The following BIRC6 variants were observed in gnomAD, a reference collection of about 807,000 sequenced individuals.
BIRC6 encodes the protein baculoviral IAP repeat containing 6.
In BIRC6, 98 loss-of-function variants were observed where a neutral mutation model predicts 503.3. That is an observed-to-expected ratio of 0.19 (90% CI 0.17 to 0.23). BIRC6 has a LOEUF of 0.23. Among genes scored for constraint, BIRC6 ranks in the 10% least tolerant of loss-of-function variants. BIRC6 has a pLI of 1.00. For missense variants in BIRC6, 5,360 were observed against 5,806.0 expected, an observed-to-expected ratio of 0.92 and a Z score of 2.50; for synonymous variants, 2,240 against 2,078.7, an observed-to-expected ratio of 1.08 and a Z score of -2.11.
chr2:32,430,974 A>C lies in BIRC6; in HGVS notation c.3132A>C (p.Pro1044=). The change falls in exon 12 of 74, where the codon CCA becomes CCC. Residue 1044 remains proline (P), a synonymous_variant. Coordinates refer to ENST00000421745, the MANE Select transcript of BIRC6 (RefSeq NM_016252.4). ...CAAGGTTTTCAGCGACTGTTCCTCC[A>C]TGCTGGGTAGAAGTTCAACAAGAAC... The part of the protein sequence containing the change: ...LTPRFSATVP[P]CWVEVQQEQQ... 3 of 1,613,354 alleles carry C rather than the reference A, an allele frequency of 1.9e-6. No individual in the cohort carries two copies. The highest frequency in any genetic ancestry group is 2.5e-6 in the Non-Finnish European group (3 of 1,179,746).
chr2:32,555,456 C>T lies in BIRC6; in HGVS notation c.13144+5975C>T, dbSNP rs892013418. Among the ~76,000 whole-genome samples, 7 of 151,446 alleles carry T rather than the reference C, an allele frequency of 4.6e-5. No individual in the cohort carries two copies. The East Asian group carries it at 9.7e-4, about 21-fold the overall frequency. ...GACATCGAGCCCAGCCTGACCAACA[C>T]GGTGAAACCCCGTCTCTACTAAAAA... On this transcript the variant is annotated intron_variant, in intron 65 of 73. Coordinates refer to ENST00000421745, the MANE Select transcript of BIRC6 (RefSeq NM_016252.4).
At chr2:32,617,597 A>C in intron 73 of BIRC6, 128 bp from the exon 74 acceptor site, 1 of 968,982 alleles carries the variant, frequency 1.0e-6, no homozygotes, top group Non-Finnish European at 1.5e-6. Flanking sequence ...AGTAGCTTGC[A>C]TAAGGAGGGG....
At chr2:32,360,065 G>T (rs2033805572) in intron 1 of BIRC6, among the ~76,000 whole-genome samples, 1 of 152,142 alleles carries the variant, frequency 6.6e-6, no homozygotes, top group South Asian at 2.1e-4. Flanking sequence ...AGCGATCATG[G>T]TCCTAACATA....
chr2:32,371,541 A>C (rs2035952343), intron 1 of BIRC6, among the ~76,000 whole-genome samples: 1 of 151,354 alleles, frequency 6.6e-6, no homozygotes, highest in Non-Finnish European at 1.5e-5. Flanking sequence ...TGCCCGGCTA[A>C]TTTTTTGTAT....
rs1390413549 is a variant in BIRC6, at chr2:32,442,153, A to G, written c.4033A>G (p.Thr1345Ala). The change falls in exon 18 of 74, where the codon ACA (threonine) becomes GCA (alanine). Residue 1345 changes from threonine (T) to alanine (A), a missense_variant. By Grantham distance (58) the Thr-to-Ala change is moderately conservative. Transcript: ENST00000421745. The part of the protein sequence containing the change: ...LCRKTDDGQI[T>A]EHAQSLVLDT... ...CAGAAAAACAGATGATGGCCAGATC[A>G]CAGAACATGCCCAGAGCCTTGTGTT... The G allele has an allele frequency of 1.2e-6, 2 of 1,611,474 alleles. No individual in the cohort carries two copies. The highest frequency in any genetic ancestry group is 1.7e-6 in the Non-Finnish European group (2 of 1,179,222).
intron 10 of BIRC6, among the ~76,000 whole-genome samples, chr2:32,421,397 G>A (rs973449659): frequency 1.3e-5 from 2 of 152,100 alleles, no homozygotes; most frequent in Admixed American, 6.6e-5. Context: ...GAGCCACCGC[G>A]CTGGCCTTCT....
At position 32,499,537 on chromosome 2, in the gene BIRC6, C is replaced by G; in HGVS notation, c.8469-10C>G. Reference sequence around the variant, plus strand: ...TCTCTTTTTCTGTCTCTCTCTCTCTCTCTCTGCAGGGGTGCTTTCCAGACA... The same window carrying G: ...TCTCTTTTTCTGTCTCTCTCTCTCTGTCTCTGCAGGGGTGCTTTCCAGACA... On this transcript the variant is annotated splice_polypyrimidine_tract_variant and intron_variant, in intron 45 of 73. Transcript: ENST00000421745. The G allele has an allele frequency of 1.3e-6, 2 of 1,569,244 alleles. No individual in the cohort carries two copies. The highest frequency in any genetic ancestry group is 1.4e-5 in the African/African-American group (1 of 73,352).
intron 15 of BIRC6, 114 bp from the exon 16 acceptor site, chr2:32,439,394 C>T: frequency 9.7e-7 from 1 of 1,028,272 alleles, no homozygotes; most frequent in Non-Finnish European, 1.4e-6. Context: ...TTTGAAAGTT[C>T]TGGCCTACTG....
rs376677624 is a variant in BIRC6, at chr2:32,392,008, C to T, written c.840-31C>T. On this transcript the variant is annotated intron_variant, in intron 4 of 73. Coordinates refer to ENST00000421745, the MANE Select transcript of BIRC6 (RefSeq NM_016252.4). ...AGTTTCACTGTGATTTGATGCCTAACTTCAATTACATAAAGTATGTTTACT... is the reference window on the plus strand; with the variant it reads ...AGTTTCACTGTGATTTGATGCCTAATTTCAATTACATAAAGTATGTTTACT... 71 of 1,396,042 alleles carry T rather than the reference C, an allele frequency of 5.1e-5. 1 individual carries two copies. The highest frequency in any genetic ancestry group is 3.5e-4 in the South Asian group (26 of 74,628). The allele number at this position is 1,396,042 out of a possible 1,614,324, so 86.5% of individuals were successfully genotyped here.
chr2:32,510,125 T>C (rs1420776315), intron 52 of BIRC6, 131 bp downstream of exon 52: 1 of 1,100,304 alleles, frequency 9.1e-7, no homozygotes, highest in Admixed American at 2.7e-5. Flanking sequence ...CTCTCCTCTC[T>C]TCTCTGATGG....
intron 1 of BIRC6, among the ~76,000 whole-genome samples, chr2:32,364,572 T>A (rs554552191): frequency 5.9e-5 from 9 of 152,240 alleles, no homozygotes; most frequent in African/African-American, 2.2e-4. Flanking sequence ...ACACTCCAGT[T>A]TTACATTTCT....
At chr2:32,383,860 C>T (rs574647883) in intron 3 of BIRC6, among the ~76,000 whole-genome samples, 7 of 152,298 alleles carry the variant, frequency 4.6e-5, no homozygotes, top group Admixed American at 3.9e-4. Flanking sequence ...GTAATTGTTA[C>T]TTCATCTTTA....
chr2:32,514,697 C>G (rs2054828228), intron 54 of BIRC6, among the ~76,000 whole-genome samples: 1 of 151,836 alleles, frequency 6.6e-6, no homozygotes, highest in South Asian at 2.1e-4. Context: ...CTCTACATGA[C>G]CTTTTCAGGT....
intron 61 of BIRC6, among the ~76,000 whole-genome samples, chr2:32,536,764 A>G (rs1156641329): frequency 1.2e-4 from 18 of 152,014 alleles, no homozygotes; most frequent in South Asian, 1.0e-3. Context: ...TGTTCTTTTG[A>G]CTTAGGATTG....
chr2:32,367,636 T>A (rs983362692), intron 1 of BIRC6, among the ~76,000 whole-genome samples: 1 of 151,768 alleles, frequency 6.6e-6, no homozygotes, highest in Non-Finnish European at 1.5e-5. Context: ...GCCAACTTGG[T>A]GAAACCCCGT....
chr2:32,525,697 C>G, intron 59 of BIRC6, 69 bp downstream of exon 59: 1 of 1,461,134 alleles, frequency 6.8e-7, no homozygotes, highest in Non-Finnish European at 9.2e-7. Flanking sequence ...ATCAGAGGCA[C>G]AGTCACCAAA....
At chr2:32,489,074 G>A (rs1318326458) in intron 42 of BIRC6, among the ~76,000 whole-genome samples, 1 of 151,900 alleles carries the variant, frequency 6.6e-6, no homozygotes, top group East Asian at 1.9e-4. Flanking sequence ...GCCCCTGGAG[G>A]AGTTAGTCAG....
At chr2:32,488,236 G>A (rs1179757299) in intron 41 of BIRC6, among the ~76,000 whole-genome samples, 2 of 151,936 alleles carry the variant, frequency 1.3e-5, no homozygotes, top group African/African-American at 2.4e-5. Context: ...CCAGCTACTC[G>A]GGAGGCTGAG....
In BIRC6 at chr2:32,415,764, T is replaced by C; in HGVS notation, c.2473T>C (p.Leu825=). ...GCAGAGGAATGTTAGTGGTGGATAT[T>C]TAGTGCTTTATAAAATGAATTATGC... ...PEQRNVSGGY[L]VLYKMNYATR... The change falls in exon 10 of 74, where the codon TTA becomes CTA. Residue 825 remains leucine (L), a synonymous_variant. Transcript: ENST00000421745. The C allele has an allele frequency of 6.2e-7, 1 of 1,613,742 alleles. No homozygotes were observed. The highest frequency in any genetic ancestry group is 8.5e-7 in the Non-Finnish European group (1 of 1,179,818).
Sources: allele counts gnomAD v4.1 joint callset (sites outside exome capture counted in the v4.1 genomes callset), GRCh38; gene constraint gnomAD v4.1.1; transcripts MANE v1.5; gene names NCBI Gene and HGNC (gene_info 2026-07-23, HGNC 2026-07-21).